Variants in ITPR1 observed in about 807,000 individuals in gnomAD.
ITPR1 encodes inositol 1,4,5-trisphosphate receptor type 1.
A neutral mutation model predicts 318.4 loss-of-function variants in ITPR1; 96 were observed. That is an observed-to-expected ratio of 0.30 (90% CI 0.26 to 0.36). The LOEUF (loss-of-function observed/expected upper bound fraction) is 0.36, where lower values mean the gene tolerates loss of function less well. Among genes scored for constraint, ITPR1 ranks in the 10% least tolerant of loss-of-function variants. ITPR1 has a pLI of 1.00. For missense variants in ITPR1, 2,440 were observed against 3,460.2 expected, an observed-to-expected ratio of 0.71 and a Z score of 7.40; for synonymous variants, 1,312 against 1,289.9, an observed-to-expected ratio of 1.02 and a Z score of -0.37.
intron 52 of ITPR1, among the ~76,000 whole-genome samples, chr3:4,792,599 G>A (rs1055976066): frequency 2.6e-5 from 4 of 152,118 alleles, no homozygotes; most frequent in African/African-American, 9.7e-5. Context: ...GTCGGCAGGA[G>A]GCCTCAGGTC....
chr3:4,825,863 C>T (rs2050040165), intron 60 of ITPR1: 2 of 453,888 alleles, frequency 4.4e-6, no homozygotes, highest in African/African-American at 2.0e-5. Flanking sequence ...GGAGAGTTTC[C>T]TGCAGATCAT....
rs772788753 is a variant in ITPR1 at position 4,777,260 on chromosome 3, T to C, written c.6181-4T>C. Reference sequence around the variant, plus strand: ...TGTGAATGTCTGTGTGTGTCTTTGCTCAGAACTGCATAGCCACCCATGAAT... The same window carrying C: ...TGTGAATGTCTGTGTGTGTCTTTGCCCAGAACTGCATAGCCACCCATGAAT... On this transcript the variant is annotated splice_region_variant and splice_polypyrimidine_tract_variant and intron_variant, in intron 47 of 61. Transcript: ENST00000649015. 1 of 1,574,668 alleles carries C rather than the reference T, an allele frequency of 6.4e-7. No individual in the cohort carries two copies. Among genetic ancestry groups the C allele is most frequent in the Non-Finnish European group, 8.7e-7 (1 of 1,151,676 alleles).
chr3:4,741,690 G>T (rs896176307), intron 44 of ITPR1, among the ~76,000 whole-genome samples: 1 of 152,196 alleles, frequency 6.6e-6, no homozygotes, highest in African/African-American at 2.4e-5. Context: ...TTAGCAAAGA[G>T]ATGAGGGCGG....
At chr3:4,754,041 C>T (rs1164267660) in intron 44 of ITPR1, among the ~76,000 whole-genome samples, 2 of 94,226 alleles carry the variant, frequency 2.1e-5, no homozygotes, top group African/African-American at 4.0e-5. Context: ...TGCACAAACA[C>T]AGAAAATGGG....
chr3:4,830,788 G>A (rs2050424794), intron 60 of ITPR1, among the ~76,000 whole-genome samples: 1 of 152,182 alleles, frequency 6.6e-6, no homozygotes, highest in South Asian at 2.1e-4. Flanking sequence ...CAAGGGCAGA[G>A]AAAGCAACAA....
At chr3:4,677,861 C>G (rs1384026696) in intron 24 of ITPR1, among the ~76,000 whole-genome samples, 1 of 151,800 alleles carries the variant, frequency 6.6e-6, no homozygotes, top group Non-Finnish European at 1.5e-5. Flanking sequence ...GGGGTGGAAT[C>G]TAGTATATAG....
chr3:4,725,762 G>C (rs907667642), intron 41 of ITPR1, among the ~76,000 whole-genome samples, 181 bp downstream of exon 41: 4 of 152,188 alleles, frequency 2.6e-5, no homozygotes, highest in Non-Finnish European at 5.9e-5. Flanking sequence ...TCTCAGTGTA[G>C]AAAGTTCTGA....
At chr3:4,716,830 AAT>A (rs2041800754) in intron 39 of ITPR1, among the ~76,000 whole-genome samples, 1 of 152,258 alleles carries the variant, frequency 6.6e-6, no homozygotes, top group East Asian at 1.9e-4. Flanking sequence ...TCCTAGAGGG[AAT>A]ATAGTTTCCT....
At chr3:4,603,982 C>G (rs11712103) in intron 4 of ITPR1, among the ~76,000 whole-genome samples, 116,395 of 152,100 alleles carry the variant, frequency 0.77, 45,535 homozygotes, top group Middle Eastern at 0.86. Context: ...TGCAACCTCT[C>G]TAACATCTGT....
intron 39 of ITPR1, among the ~76,000 whole-genome samples, chr3:4,714,508 A>C (rs1331623515): frequency 6.6e-6 from 1 of 152,112 alleles, no homozygotes; most frequent in Non-Finnish European, 1.5e-5. Flanking sequence ...TGTGCCTACG[A>C]GGAGGCTGGG....
At chr3:4,732,903 A>T (rs1195977383) in intron 42 of ITPR1, among the ~76,000 whole-genome samples, 185 bp from the exon 43 acceptor site, 7 of 152,238 alleles carry the variant, frequency 4.6e-5, no homozygotes, top group Non-Finnish European at 8.8e-5. Context: ...TTTAAAAAAC[A>T]TCTGGTTTTC....
chr3:4,816,150 A>C (rs2049287733), intron 59 of ITPR1: 1 of 152,210 alleles, frequency 6.6e-6, no homozygotes, highest in African/African-American at 2.4e-5. Flanking sequence ...AACAGATCCA[A>C]TACTGTTATC....
chr3:4,674,237 AG>A lies in ITPR1; in HGVS notation c.2494del (p.Glu832ArgfsTer14). 6.4e-7 allele frequency: 1 copy of A among 1,561,914 alleles called. No individual in the cohort carries two copies. Among genetic ancestry groups the A allele is most frequent in the Non-Finnish European group, 8.7e-7 (1 of 1,151,740 alleles). On this transcript the variant is annotated frameshift_variant, in exon 22 of 62. Coordinates refer to ENST00000649015, the MANE Select transcript of ITPR1 (RefSeq NM_001378452.1). LOFTEE classifies it high-confidence loss of function. ...AGTGGAGCTTCCAAAGATGAAATTA[AG>A]GAGAGATTTGCTCAGACCATGGAGT... is the stretch of plus-strand genomic sequence containing the variant. Reference protein sequence around the residue: ...DSSGASKDEIKERFAQTMEFV... With the variant: ...DSSGASKDEIXERFAQTMEFV...
chr3:4,670,904 C>G lies in ITPR1; in HGVS notation c.2182C>G (p.Arg728Gly), dbSNP rs878853172. 6.3e-7 allele frequency: 1 copy of G among 1,593,742 alleles called. No homozygotes were observed. Among genetic ancestry groups the G allele is most frequent in the Non-Finnish European group, 8.6e-7 (1 of 1,168,218 alleles). The change falls in exon 20 of 62, where the codon CGA (arginine) becomes GGA (glycine). Residue 728 changes from arginine (R) to glycine (G), a missense_variant. By Grantham distance (125) the Arg-to-Gly change is moderately radical (BLOSUM62 -2). Around this residue, in one of 23 missense-constraint regions of ITPR1, gnomAD observed 478 missense variants for 696.3 expected, o/e 0.69. Coordinates refer to ENST00000649015, the MANE Select transcript of ITPR1 (RefSeq NM_001378452.1). ...QDAKEGQKED[R>G]DVLSYYRYQL... ...TGCTAAAGAAGGGCAGAAGGAGGAC[C>G]GAGACGTTCTCAGCTACTACAGGTG... is the stretch of plus-strand genomic sequence containing the variant.
intron 36 of ITPR1, among the ~76,000 whole-genome samples, chr3:4,703,284 T>C (rs1418845596): frequency 3.3e-5 from 5 of 152,196 alleles, no homozygotes; most frequent in African/African-American, 4.8e-5. Context: ...CTAATTTGTT[T>C]AATCCAGCAA....
In ITPR1 at chr3:4,527,648, A is replaced by G. The variant is rs75538761; in HGVS notation, c.163+6554A>G. On this transcript the variant is annotated intron_variant, in intron 4 of 61. Transcript: ENST00000649015. ...TTGGTGGAAGACCCCTGGTTCCTCA[A>G]CATATGCCCGGCTAGAAATAATGAC... Among the ~76,000 whole-genome samples the G allele has an allele frequency of 7.5e-3, 1,140 of 152,316 alleles. 11 individuals carry two copies. Among genetic ancestry groups the G allele is most frequent in the African/African-American group, 0.026 (1,078 of 41,566 alleles).
chr3:4,495,488 G>T (rs2080476754), intron 2 of ITPR1, among the ~76,000 whole-genome samples: 1 of 152,206 alleles, frequency 6.6e-6, no homozygotes, highest in Non-Finnish European at 1.5e-5. Flanking sequence ...TTGGATGTGA[G>T]AACTCTAGTT....
At chr3:4,686,167 G>A (rs1437022372) in intron 30 of ITPR1, among the ~76,000 whole-genome samples, 1 of 152,152 alleles carries the variant, frequency 6.6e-6, no homozygotes, top group Non-Finnish European at 1.5e-5. Flanking sequence ...TGCGTGGATG[G>A]CACAGCTGTG....
intron 18 of ITPR1, among the ~76,000 whole-genome samples, 196 bp downstream of exon 18, chr3:4,667,745 T>C (rs960613760): frequency 3.9e-5 from 6 of 152,216 alleles, no homozygotes; most frequent in Non-Finnish European, 5.9e-5. Flanking sequence ...CTAGCTCCAG[T>C]GTGTCCCACC....
Sources: allele counts gnomAD v4.1 joint callset (sites outside exome capture counted in the v4.1 genomes callset), GRCh38; gene constraint gnomAD v4.1.1; regional missense constraint gnomAD v4.1.1; transcripts MANE v1.5; gene names NCBI Gene and HGNC (gene_info 2026-07-23, HGNC 2026-07-21).